MAP2K6: variants seen among roughly 807,000 people sequenced by gnomAD.
MAP2K6 encodes the protein dual specificity mitogen-activated protein kinase kinase 6.
A neutral mutation model predicts 53.7 loss-of-function variants in MAP2K6; 16 were observed. That is an observed-to-expected ratio of 0.30 (90% CI 0.20 to 0.45). The LOEUF is 0.45. MAP2K6 is among the 20% of genes least tolerant of loss of function. The pLI, the probability that MAP2K6 is intolerant of heterozygous loss-of-function variation, is 1.00. For synonymous variants in MAP2K6, 132 were observed against 143.1 expected (o/e 0.92, Z 0.55); for missense variants, 204 against 411.9 (o/e 0.50, Z 4.37).
chr17:69,491,494 G>A (rs890358279), intron 1 of MAP2K6, among the ~76,000 whole-genome samples: 6 of 152,046 alleles, frequency 3.9e-5, no homozygotes, highest in Non-Finnish European at 8.8e-5. Flanking sequence ...TTGATTCCAC[G>A]TCTCTGCTAT....
At chr17:69,463,045 G>C (rs1166734186) in intron 1 of MAP2K6, among the ~76,000 whole-genome samples, 1 of 148,986 alleles carries the variant, frequency 6.7e-6, no homozygotes, top group Non-Finnish European at 1.5e-5. Context: ...ACTCCTTCAC[G>C]GTAATGGGAG....
intron 1 of MAP2K6, among the ~76,000 whole-genome samples, chr17:69,481,803 AT>A (rs1908360288): frequency 6.6e-6 from 1 of 152,184 alleles, no homozygotes; most frequent in Non-Finnish European, 1.5e-5. Context: ...TTAAAAATGT[AT>A]TTCCAAATAA....
At chr17:69,429,905 C>T (rs895004431) in intron 1 of MAP2K6, among the ~76,000 whole-genome samples, 22 of 152,114 alleles carry the variant, frequency 1.4e-4, no homozygotes, top group Non-Finnish European at 1.5e-5. Context: ...GGGGCCTGGG[C>T]ATCCCTTGGA....
At chr17:69,419,651 C>T (rs534952818) in intron 1 of MAP2K6, among the ~76,000 whole-genome samples, 3 of 152,012 alleles carry the variant, frequency 2.0e-5, no homozygotes, top group African/African-American at 7.2e-5. Context: ...TTTGGGTGGC[C>T]AGGCATGGTG....
At chr17:69,532,423 G>A (rs933530685) in intron 10 of MAP2K6, among the ~76,000 whole-genome samples, 18 of 152,314 alleles carry the variant, frequency 1.2e-4, no homozygotes, top group Admixed American at 4.6e-4. Context: ...GGTCAGAAGC[G>A]TGTGTTGTGG....
At chr17:69,496,570 C>T (rs987418356) in intron 1 of MAP2K6, among the ~76,000 whole-genome samples, 2 of 151,966 alleles carry the variant, frequency 1.3e-5, no homozygotes, top group Admixed American at 6.6e-5. Flanking sequence ...GGTTTCACCA[C>T]GTTGGCCAGG....
At chr17:69,424,329 A>G (rs1046566751) in intron 1 of MAP2K6, among the ~76,000 whole-genome samples, 3 of 152,220 alleles carry the variant, frequency 2.0e-5, no homozygotes, top group African/African-American at 7.2e-5. Context: ...GAATGATGTA[A>G]ATTTAAGTCA....
At chr17:69,458,756 G>A (rs1221799550) in intron 1 of MAP2K6, among the ~76,000 whole-genome samples, 1 of 152,088 alleles carries the variant, frequency 6.6e-6, no homozygotes, top group East Asian at 1.9e-4. Context: ...AGCATCTGTG[G>A]CCTTTTCTAG....
intron 1 of MAP2K6, among the ~76,000 whole-genome samples, chr17:69,495,098 TAAAAA>T (rs33953795): frequency 7.3e-6 from 1 of 136,252 alleles, no homozygotes; most frequent in African/African-American, 2.7e-5. Flanking sequence ...TACTTCCACA[TAAAAA>T]AAAAAAAAAA....
intron 1 of MAP2K6, among the ~76,000 whole-genome samples, chr17:69,480,241 T>C (rs1448197228): frequency 1.3e-5 from 2 of 152,234 alleles, no homozygotes; most frequent in African/African-American, 4.8e-5. Context: ...TCTTTAACTT[T>C]CGTTCCCCAG....
At chr17:69,512,339 G>GTT (rs746993199) in intron 2 of MAP2K6, among the ~76,000 whole-genome samples, 62 of 82,112 alleles carry the variant, frequency 7.6e-4, no homozygotes, top group African/African-American at 1.3e-3. Flanking sequence ...TTTTTTTTTT[G>GTT]TTTTTTTTTT....
intron 1 of MAP2K6, chr17:69,485,430 A>G (rs1277369573): frequency 3.1e-6 from 3 of 974,540 alleles, no homozygotes; most frequent in Non-Finnish European, 3.7e-6. Flanking sequence ...ATTTTCTCTT[A>G]TCTCTATGGA....
chr17:69,499,867 T>C (rs1909086537), intron 1 of MAP2K6, among the ~76,000 whole-genome samples: 1 of 152,190 alleles, frequency 6.6e-6, no homozygotes, highest in African/African-American at 2.4e-5. Context: ...AACTAAAATA[T>C]CAAAGTTTCA....
chr17:69,476,918 C>G (rs1459505084), intron 1 of MAP2K6, among the ~76,000 whole-genome samples: 2 of 152,230 alleles, frequency 1.3e-5, no homozygotes, highest in Non-Finnish European at 2.9e-5. Flanking sequence ...GCCATCTCAT[C>G]CATGGGCCCA....
intron 1 of MAP2K6, among the ~76,000 whole-genome samples, chr17:69,423,173 G>A (rs1363705925): frequency 1.3e-5 from 2 of 152,096 alleles, no homozygotes; most frequent in East Asian, 1.9e-4. Flanking sequence ...GTGAGCCATC[G>A]TGCCCGGCCA....
rs1911996556 is a variant in MAP2K6 at position 69,549,137 on chromosome 17, TTTA to T, written c.*7385_*7387del. On this transcript the variant is annotated 3_prime_UTR_variant, in exon 12 of 12. Coordinates refer to ENST00000590474, the MANE Select transcript of MAP2K6 (RefSeq NM_002758.4). ...ACATTGAGCCCTTTATTTTTGGGAG[TTTA>T]CAGTTAAATTTTGGAAGAATTGTGT... The T allele has an allele frequency of 6.6e-6, 1 of 152,180 alleles. No individual in the cohort carries two copies. Among genetic ancestry groups the T allele is most frequent in the Non-Finnish European group, 1.5e-5 (1 of 68,022 alleles). The allele number at this position is 152,180 out of a possible 1,614,324, so 9.4% of individuals were successfully genotyped here.
intron 2 of MAP2K6, among the ~76,000 whole-genome samples, chr17:69,507,542 T>C (rs527687977): frequency 4.6e-5 from 7 of 152,316 alleles, no homozygotes; most frequent in African/African-American, 1.7e-4. Context: ...CCTTTGCCAT[T>C]TTGTTATTTC....
intron 10 of MAP2K6, among the ~76,000 whole-genome samples, chr17:69,530,336 T>G (rs569941653): frequency 1.3e-5 from 2 of 151,976 alleles, no homozygotes; most frequent in African/African-American, 4.8e-5. Flanking sequence ...ATTAAATAAA[T>G]AACAAAATGC....
intron 1 of MAP2K6, among the ~76,000 whole-genome samples, chr17:69,432,050 G>C (rs1430170241): frequency 6.6e-6 from 1 of 152,192 alleles, no homozygotes. Context: ...AGCTTATCTG[G>C]GTAGGGGTCA....
Sources: gnomAD v4.1 joint callset for allele counts (sites outside exome capture counted in the v4.1 genomes callset) on GRCh38, gnomAD v4.1.1 for gene constraint, MANE v1.5 for transcripts, NCBI Gene and HGNC (gene_info 2026-07-23, HGNC 2026-07-21) for gene names.